SMC3: variants seen among roughly 807,000 people sequenced by gnomAD.
SMC3 encodes the protein structural maintenance of chromosomes protein 3.
A neutral mutation model predicts 171.8 loss-of-function variants in SMC3; 20 were observed. The ratio of observed to expected loss-of-function variants is 0.12; its 90% CI spans 0.08 to 0.17. The LOEUF (loss-of-function observed/expected upper bound fraction) is 0.17, where lower values mean the gene tolerates loss of function less well. SMC3 is among the 10% of genes least tolerant of loss of function. The pLI, the probability that SMC3 is intolerant of heterozygous loss-of-function variation, is 1.00. For synonymous variants in SMC3, 464 were observed against 451.1 expected, an observed-to-expected ratio of 1.03 and a Z score of -0.36; for missense variants, 543 against 1,420.4, an observed-to-expected ratio of 0.38 and a Z score of 9.93.
rs572767234 is a variant in SMC3 at position 110,568,430 on chromosome 10, G to T, written c.16-508G>T. 5.4e-5 allele frequency: 9 copies of T among 167,022 alleles called. No individual in the cohort carries two copies. In the South Asian group the frequency reaches 1.4e-3, roughly 26 times the overall value. 10.3% of individuals were successfully genotyped at this position (167,022 alleles called of 1,614,324 possible). On this transcript the variant is annotated intron_variant, in intron 1 of 28. Coordinates refer to ENST00000361804, the MANE Select transcript of SMC3 (RefSeq NM_005445.4). ...TTCTGTCAAAATGGTCTTCCCGCGC[G>T]GGACTCCACCACAAAGATGAGCCCA...
chr10:110,582,528 T>C (rs1410635575), intron 9 of SMC3, 34 bp from the exon 10 acceptor site: 1 of 1,462,712 alleles, frequency 6.8e-7, no homozygotes, highest in Non-Finnish European at 9.5e-7. Flanking sequence ...AATTACAAAA[T>C]GAGTTAGATA....
At chr10:110,588,200 C>T (rs1025686584) in intron 13 of SMC3, among the ~76,000 whole-genome samples, 29 of 152,132 alleles carry the variant, frequency 1.9e-4, no homozygotes, top group African/African-American at 6.5e-4. Context: ...CGATGTTGCC[C>T]AGGATGGTCT....
Position 110,594,676 on chromosome 10 carries a change from C to T in SMC3, c.1963+1453C>T, listed in dbSNP as rs551344881. On this transcript the variant is annotated intron_variant, in intron 18 of 28. Transcript: ENST00000361804. Reference sequence around the variant, plus strand: ...TTACCTGCCCTCAATTTTTTTTTTCCTCTTTATTTGTTGAAGAAAGCAGGT... The same window carrying T: ...TTACCTGCCCTCAATTTTTTTTTTCTTCTTTATTTGTTGAAGAAAGCAGGT... 2.3e-4 allele frequency among the ~76,000 whole-genome samples: 35 copies of T among 150,868 alleles called. No homozygotes were observed. The South Asian group carries it at 6.5e-3, about 28-fold the overall frequency.
chr10:110,589,104 A>G (rs970830190), intron 13 of SMC3, among the ~76,000 whole-genome samples: 1 of 152,086 alleles, frequency 6.6e-6, no homozygotes, highest in African/African-American at 2.4e-5. Context: ...AAAAACTGAA[A>G]TGGGGCCGGG....
Position 110,598,259 on chromosome 10 carries a change from G to A in SMC3, c.2237G>A (p.Arg746Lys). ...LSEMKMLKEKRQQSEKTFMPK... is the reference protein window; with the variant it reads ...LSEMKMLKEKKQQSEKTFMPK... Reference sequence around the variant, plus strand: ...GAAATGAAGATGCTAAAAGAGAAGAGGCAGCAGTCAGAGAAAACCTTCATG... The same window carrying A: ...GAAATGAAGATGCTAAAAGAGAAGAAGCAGCAGTCAGAGAAAACCTTCATG... Residue 746 changes from arginine to lysine, a missense_variant, in exon 20 of 29, where the codon AGG becomes AAG. This residue lies in a region of SMC3 where 218 missense variants were observed against 509.6 expected (regional missense o/e 0.43). Coordinates refer to ENST00000361804, the MANE Select transcript of SMC3 (RefSeq NM_005445.4). 1.2e-6 allele frequency: 2 copies of A among 1,613,992 alleles called. No homozygotes were observed. Among genetic ancestry groups the A allele is most frequent in the Admixed American group, 1.7e-5 (1 of 60,004 alleles).
chr10:110,575,394 T>C lies in SMC3; in HGVS notation c.189T>C (p.Ala63=), dbSNP rs1350678594. Residue 63 remains alanine, a synonymous_variant, in exon 4 of 29, where the codon GCT becomes GCC. Coordinates refer to ENST00000361804, the MANE Select transcript of SMC3 (RefSeq NM_005445.4). ...ATCTTCGTCCAGAACAGCGGTTGGC[T>C]TTATTGCATGTGAGTGAGACTGCTT... The part of the protein sequence containing the change: ...FSHLRPEQRL[A]LLHEGTGPRV... The C allele has an allele frequency of 1.2e-6, 2 of 1,611,844 alleles. No homozygotes were observed. The highest frequency in any genetic ancestry group is 1.7e-6 in the Non-Finnish European group (2 of 1,178,042).
intron 20 of SMC3, among the ~76,000 whole-genome samples, 172 bp from the exon 21 acceptor site, chr10:110,599,482 T>C (rs1205657870): frequency 1.3e-5 from 2 of 152,216 alleles, no homozygotes; most frequent in Non-Finnish European, 2.9e-5. Flanking sequence ...CCTATACTAT[T>C]ACATCATATT....
intron 14 of SMC3, 59 bp from the exon 15 acceptor site, chr10:110,589,833 C>G: frequency 6.6e-7 from 1 of 1,526,194 alleles, no homozygotes. Flanking sequence ...AAACTGTATA[C>G]TGTTAATGCA....
intron 5 of SMC3, 137 bp downstream of exon 5, chr10:110,577,629 T>C: frequency 1.4e-6 from 1 of 725,612 alleles, no homozygotes; most frequent in Non-Finnish European, 2.3e-6. Context: ...AAAATGACAA[T>C]GAATACTCTG....
intron 13 of SMC3, among the ~76,000 whole-genome samples, chr10:110,587,350 A>G (rs1861136667): frequency 6.6e-6 from 1 of 152,158 alleles, no homozygotes; most frequent in Non-Finnish European, 1.5e-5. Context: ...TAGTGTTCAG[A>G]TACACCTGGA....
At chr10:110,601,169 T>C in intron 23 of SMC3, 39 bp downstream of exon 23, 2 of 1,383,386 alleles carry the variant, frequency 1.4e-6, no homozygotes, top group African/African-American at 1.4e-5. Context: ...TATATGCATG[T>C]TTTATAAAAT....
chr10:110,602,694 C>T (rs373606531), intron 26 of SMC3, 29 bp downstream of exon 26: 2 of 1,590,290 alleles, frequency 1.3e-6, no homozygotes, highest in Non-Finnish European at 1.7e-6. Context: ...CCATTTTCCT[C>T]AGAGCATTAC....
chr10:110,588,249 C>T (rs1181727514), intron 13 of SMC3, among the ~76,000 whole-genome samples: 1 of 152,192 alleles, frequency 6.6e-6, no homozygotes. Flanking sequence ...CTCGGCCTCC[C>T]AAAGTGCTGG....
chr10:110,595,917 C>CTCT (rs1861292232), intron 18 of SMC3, among the ~76,000 whole-genome samples: 1 of 101,612 alleles, frequency 9.8e-6, no homozygotes, highest in Non-Finnish European at 1.8e-5. Flanking sequence ...ACTGGAGGTT[C>CTCT]TTTTTTTTTT....
intron 22 of SMC3, among the ~76,000 whole-genome samples, 157 bp downstream of exon 22, chr10:110,600,703 G>C (rs1861373112): frequency 6.6e-6 from 1 of 152,164 alleles, no homozygotes; most frequent in East Asian, 1.9e-4. Context: ...CACCTAGTGT[G>C]TGATTTTGGA....
At chr10:110,576,559 T>G (rs1391650079) in intron 4 of SMC3, among the ~76,000 whole-genome samples, 3 of 152,336 alleles carry the variant, frequency 2.0e-5, no homozygotes, top group African/African-American at 7.2e-5. Flanking sequence ...GAATATTGTT[T>G]ATTAAAGACT....
Position 110,605,995 on chromosome 10 carries a change from T to C in SMC3, c.*1693T>C, listed in dbSNP as rs1027971261. Among the ~76,000 whole-genome samples the C allele has an allele frequency of 2.6e-5, 4 of 152,216 alleles. No individual in the cohort carries two copies. The highest frequency in any genetic ancestry group is 2.0e-4 in the Admixed American group (3 of 15,272). On this transcript the variant is annotated 3_prime_UTR_variant, in exon 29 of 29. Transcript: ENST00000361804. ...AAGCATTTCCCCAAGGATATTAGTA[T>C]AATGAAATGCCAGTAAATTTATAAC...
At chr10:110,580,213 G>A (rs1425937058) in intron 7 of SMC3, among the ~76,000 whole-genome samples, 2 of 152,092 alleles carry the variant, frequency 1.3e-5, no homozygotes, top group Non-Finnish European at 2.9e-5. Context: ...AGGGACTTGA[G>A]CATCCTTGGA....
intron 13 of SMC3, among the ~76,000 whole-genome samples, chr10:110,584,963 A>G (rs539171767): frequency 2.6e-5 from 4 of 151,826 alleles, no homozygotes; most frequent in Non-Finnish European, 2.9e-5. Flanking sequence ...TGTGTCTTAC[A>G]TACCCTTAAT....
Sources: gnomAD v4.1 joint callset for allele counts (sites outside exome capture counted in the v4.1 genomes callset) on GRCh38, gnomAD v4.1.1 for gene constraint, gnomAD v4.1.1 regional missense constraint, MANE v1.5 for transcripts, NCBI Gene and HGNC (gene_info 2026-07-23, HGNC 2026-07-21) for gene names.